HNF4G: variants seen among roughly 807,000 people sequenced by gnomAD.
HNF4G encodes hepatocyte nuclear factor 4 gamma.
Under a neutral mutation model 50.9 loss-of-function variants are expected in HNF4G, and 21 were observed. The observed-to-expected ratio is 0.41, with a 90% CI of 0.29 to 0.59. HNF4G has a LOEUF of 0.59. HNF4G is among the 20% of genes least tolerant of loss of function. The pLI is 0.26. For synonymous variants in HNF4G, 198 were observed against 185.6 expected, an observed-to-expected ratio of 1.07 and a Z score of -0.54; for missense variants, 527 against 559.4, an observed-to-expected ratio of 0.94 and a Z score of 0.58.
At chr8:75,431,601 T>C in intron 1 of HNF4G, among the ~76,000 whole-genome samples, 1 of 152,294 alleles carries the variant, frequency 6.6e-6, no homozygotes, top group East Asian at 1.9e-4. Flanking sequence ...ATCCCACTTC[T>C]GTTGTTTATA....
In HNF4G at chr8:75,507,467, G is replaced by A. The variant is rs1403450111; in HGVS notation, c.-24+17259G>A. On this transcript the variant is annotated intron_variant, in intron 2 of 10. Coordinates refer to the HNF4G transcript ENST00000354370. ...ATAGAGATGGGATTTCACCATCATG[G>A]CCAGGCTGGTCTCGAACTCTTGACC... 2.0e-5 allele frequency among the ~76,000 whole-genome samples: 3 copies of A among 152,194 alleles called. No individual in the cohort carries two copies. In the East Asian group the frequency reaches 5.8e-4, roughly 29 times the overall value.
chr8:75,530,353 C>A (rs1029686324), intron 2 of HNF4G, among the ~76,000 whole-genome samples: 1 of 151,862 alleles, frequency 6.6e-6, no homozygotes, highest in Admixed American at 6.6e-5. Context: ...CTGTGCCTTA[C>A]ACTGCTGTGT....
At chr8:75,478,448 G>A (rs1004459731) in intron 1 of HNF4G, among the ~76,000 whole-genome samples, 2 of 152,078 alleles carry the variant, frequency 1.3e-5, no homozygotes, top group African/African-American at 2.4e-5. Flanking sequence ...TTTGTACAGC[G>A]GATTTTCAAA....
intron 1 of HNF4G, among the ~76,000 whole-genome samples, chr8:75,447,577 A>T (rs1414042296): frequency 1.3e-5 from 2 of 150,436 alleles, no homozygotes; most frequent in African/African-American, 4.9e-5. Flanking sequence ...AACTCAAACA[A>T]ATTTACAAGA....
At chr8:75,547,722 A>T (rs780321701) in intron 3 of HNF4G, 41 bp downstream of exon 3, 2 of 1,184,416 alleles carry the variant, frequency 1.7e-6, no homozygotes, top group South Asian at 2.4e-5. Flanking sequence ...ATTGATGAAA[A>T]GTGATAAACA....
intron 2 of HNF4G, among the ~76,000 whole-genome samples, chr8:75,519,965 G>GT (rs1805997640): frequency 6.6e-6 from 1 of 151,672 alleles, no homozygotes; most frequent in African/African-American, 2.4e-5. Context: ...TTTGCTAGTT[G>GT]TTTTTTATTT....
chr8:75,448,425 A>AT (rs1811481468), intron 1 of HNF4G, among the ~76,000 whole-genome samples: 1 of 80,612 alleles, frequency 1.2e-5, no homozygotes, highest in African/African-American at 7.3e-5. Context: ...AACTTAAAGT[A>AT]TAAAAAAAAA....
intron 2 of HNF4G, among the ~76,000 whole-genome samples, chr8:75,527,398 T>C (rs2941448): frequency 0.42 from 63,938 of 151,990 alleles, 13,841 homozygotes; most frequent in Middle Eastern, 0.59. Flanking sequence ...AATGTGTGAG[T>C]AAAGGCTCGC....
At chr8:75,554,135 A>T (rs1185736203) in intron 5 of HNF4G, among the ~76,000 whole-genome samples, 2 of 152,166 alleles carry the variant, frequency 1.3e-5, no homozygotes, top group Non-Finnish European at 2.9e-5. Context: ...AATGCTCTGT[A>T]ACTGCCTTCC....
Position 75,560,480 on chromosome 8 carries a change from C to A in HNF4G, c.1246+14C>A. On this transcript the variant is annotated intron_variant, in intron 9 of 9. Transcript: ENST00000396423. Reference sequence around the variant, plus strand: ...CAGACCAGATCTGTAAGTTTATAGACTACTTTTCAACCAAGATATTTCTTA... The same window carrying A: ...CAGACCAGATCTGTAAGTTTATAGAATACTTTTCAACCAAGATATTTCTTA... The A allele has an allele frequency of 6.2e-7, 1 of 1,600,756 alleles. No individual in the cohort carries two copies. Among genetic ancestry groups the A allele is most frequent in the African/African-American group, 1.3e-5 (1 of 74,322 alleles).
chr8:75,434,447 A>G (rs1214366545), intron 1 of HNF4G, among the ~76,000 whole-genome samples: 1 of 152,176 alleles, frequency 6.6e-6, no homozygotes, highest in Non-Finnish European at 1.5e-5. Flanking sequence ...TAACAAGCTT[A>G]TAATAGAGAG....
chr8:75,508,170 A>ACAC (rs1805644585), intron 2 of HNF4G, among the ~76,000 whole-genome samples: 1 of 152,154 alleles, frequency 6.6e-6, no homozygotes, highest in African/African-American at 2.4e-5. Flanking sequence ...TGTATACAGA[A>ACAC]AAATCCATCC....
At chr8:75,550,797 A>G (rs1806927079) in intron 3 of HNF4G, among the ~76,000 whole-genome samples, 1 of 151,812 alleles carries the variant, frequency 6.6e-6, no homozygotes, top group Admixed American at 6.6e-5. Context: ...CAAAATGCTG[A>G]TATTCAAACC....
rs61003427 is a variant in HNF4G, at chr8:75,556,074, GTT to G, written c.733+16_733+17del. Reference sequence around the variant, plus strand: ...ATAAAGATATTTTGCTTTTGGGTAAGTTTTTTTTTTTTAATTTAAGAAGAAAT... The same window carrying G: ...ATAAAGATATTTTGCTTTTGGGTAAGTTTTTTTTTTAATTTAAGAAGAAAT... On this transcript the variant is annotated splice_donor_region_variant and intron_variant, in intron 6 of 9. Transcript: ENST00000396423. 689,845 of 1,248,624 alleles carry G rather than the reference GTT, an allele frequency of 0.55. 181,587 individuals carry two copies. Among genetic ancestry groups the G allele is most frequent in the African/African-American group, 0.86 (54,908 of 63,634 alleles). 77.3% of individuals were successfully genotyped at this position (1,248,624 alleles called of 1,614,324 possible). A position where few individuals can be genotyped will look rare whatever the true frequency, so the allele number is the denominator to read the frequency against.
chr8:75,544,044 AAG>A (rs1385608107), intron 2 of HNF4G, 65 bp downstream of exon 2: 2 of 1,397,326 alleles, frequency 1.4e-6, no homozygotes, highest in African/African-American at 2.9e-5. Flanking sequence ...CGCAAAAAGT[AAG>A]AGAAGAAAAT....
At chr8:75,448,824 A>G (rs1167484671) in intron 1 of HNF4G, among the ~76,000 whole-genome samples, 1 of 152,154 alleles carries the variant, frequency 6.6e-6, no homozygotes, top group East Asian at 1.9e-4. Flanking sequence ...AACATTTAAA[A>G]AATACATAGG....
At chr8:75,422,760 A>G (rs773681005) in intron 1 of HNF4G, among the ~76,000 whole-genome samples, 12 of 151,962 alleles carry the variant, frequency 7.9e-5, no homozygotes, top group Non-Finnish European at 1.3e-4. Flanking sequence ...CAGCCTCCTG[A>G]GTAGCTGGGA....
intron 1 of HNF4G, among the ~76,000 whole-genome samples, chr8:75,461,197 C>T (rs942728453): frequency 1.3e-5 from 2 of 152,100 alleles, no homozygotes; most frequent in Non-Finnish European, 2.9e-5. Flanking sequence ...GTCAGAAGTA[C>T]AAAAGGGGTT....
intron 1 of HNF4G, among the ~76,000 whole-genome samples, chr8:75,412,304 G>A (rs150406050): frequency 6.8e-4 from 103 of 151,972 alleles, no homozygotes; most frequent in Middle Eastern, 3.4e-3. Flanking sequence ...CAATTCTGCC[G>A]CCTGTCAGTT....
Sources: gnomAD v4.1 joint callset for allele counts (sites outside exome capture counted in the v4.1 genomes callset) on GRCh38, gnomAD v4.1.1 for gene constraint, MANE v1.5 for transcripts, NCBI Gene and HGNC (gene_info 2026-07-23, HGNC 2026-07-21) for gene names.